The following KIRREL3 variants were observed in gnomAD, a reference collection of about 807,000 sequenced individuals.
KIRREL3 encodes kirre like nephrin family adhesion molecule 3.
In KIRREL3, 36 loss-of-function variants were observed where a neutral mutation model predicts 89.7. The observed-to-expected ratio is 0.40, with a 90% CI of 0.31 to 0.53. The LOEUF is 0.53. KIRREL3 is among the 20% of genes least tolerant of loss of function. KIRREL3 has a pLI of 0.49. For synonymous variants in KIRREL3, 445 were observed against 441.4 expected, an observed-to-expected ratio of 1.01 and a Z score of -0.10; for missense variants, 864 against 1,056.6, an observed-to-expected ratio of 0.82 and a Z score of 2.53.
intron 1 of KIRREL3, among the ~76,000 whole-genome samples, chr11:126,889,140 C>T (rs549984971): frequency 2.0e-5 from 3 of 152,290 alleles, no homozygotes; most frequent in Admixed American, 6.5e-5. Flanking sequence ...ACCATCACCA[C>T]GATCAGGACT....
intron 4 of KIRREL3, among the ~76,000 whole-genome samples, chr11:126,480,657 G>A (rs12803938): frequency 0.16 from 24,811 of 152,196 alleles, 2,141 homozygotes; most frequent in Non-Finnish European, 0.19. Context: ...TCTGCGAAGC[G>A]GGCTCTCTGC....
chr11:126,864,088 G>C (rs1455841697), intron 1 of KIRREL3, among the ~76,000 whole-genome samples: 1 of 152,272 alleles, frequency 6.6e-6, no homozygotes, highest in African/African-American at 2.4e-5. Flanking sequence ...TGGCTGAAGA[G>C]AGGGTCTGAC....
chr11:126,440,513 G>C lies in KIRREL3; in HGVS notation c.1289C>G (p.Ala430Gly). 1.2e-6 allele frequency: 2 copies of C among 1,602,336 alleles called. No homozygotes were observed. Among genetic ancestry groups the C allele is most frequent in the Non-Finnish European group, 1.7e-6 (2 of 1,175,002 alleles). ...GATCTGGCCCTTCTCGCCGTGGAGGGCGTGCTGGGTCTGGGTGCTGGAGAT... is the reference window on the plus strand; with the variant it reads ...GATCTGGCCCTTCTCGCCGTGGAGGCCGTGCTGGGTCTGGGTGCTGGAGAT... ...PIISSTQTQHALHGEKGQIKC... is the reference protein window; with the variant it reads ...PIISSTQTQHGLHGEKGQIKC... Residue 430 changes from alanine to glycine, a missense_variant, in exon 11 of 17, where the codon GCC (alanine) becomes GGC (glycine). Ala to Gly is a moderately conservative substitution (Grantham distance 60, BLOSUM62 0). Transcript: ENST00000525144.
chr11:126,728,644 C>A (rs567358575), intron 1 of KIRREL3, among the ~76,000 whole-genome samples: 1 of 152,270 alleles, frequency 6.6e-6, no homozygotes, highest in South Asian at 2.1e-4. Flanking sequence ...GAACCTGGAC[C>A]ACCTTGACTC....
At chr11:126,457,811 G>A (rs1755995723) in intron 6 of KIRREL3, among the ~76,000 whole-genome samples, 1 of 152,126 alleles carries the variant, frequency 6.6e-6, no homozygotes, top group South Asian at 2.1e-4. Flanking sequence ...GAAAGACCAA[G>A]TCAAACAACG....
chr11:126,511,402 A>T (rs1158475314), intron 4 of KIRREL3, among the ~76,000 whole-genome samples: 1 of 151,996 alleles, frequency 6.6e-6, no homozygotes, highest in African/African-American at 2.4e-5. Context: ...GGGTCCCCAA[A>T]CACCTCTCTC....
chr11:126,869,923 G>T (rs2134662726), intron 1 of KIRREL3, among the ~76,000 whole-genome samples: 1 of 152,282 alleles, frequency 6.6e-6, no homozygotes, highest in Non-Finnish European at 1.5e-5. Context: ...AGGCCACAGT[G>T]GTTCACTAGA....
rs930934902 is a variant in KIRREL3 at position 126,635,950 on chromosome 11, G to T, written c.56-73038C>A. Among the ~76,000 whole-genome samples the T allele has an allele frequency of 6.6e-6, 1 of 152,152 alleles. No individual in the cohort carries two copies. Among genetic ancestry groups the T allele is most frequent in the Non-Finnish European group, 1.5e-5 (1 of 68,028 alleles). The stretch of plus-strand genomic sequence containing the variant: ...TATTTTTGGGTCATGGGCAGGGCCA[G>T]CAGGCCTACAGGTAGCGGGAGGGAT... On this transcript the variant is annotated intron_variant, in intron 1 of 16. Coordinates refer to ENST00000525144, the MANE Select transcript of KIRREL3 (RefSeq NM_032531.4). This position sits in a 1 kb window ranked among gnomAD's most constrained non-coding sequence, Gnocchi z 4.0.
rs373331597 is a variant in KIRREL3 at position 126,747,318 on chromosome 11, TAG to T, written c.56-184408_56-184407del. 3.3e-4 allele frequency among the ~76,000 whole-genome samples: 51 copies of T among 152,338 alleles called. 1 individual carries two copies. The East Asian group carries it at 7.5e-3, about 22-fold the overall frequency. ...TGAGGATTAAATAAAATACTGGGGATAGAGCTCTTTGCTCATTATCTAGCGTA... is the reference window on the plus strand; with the variant it reads ...TGAGGATTAAATAAAATACTGGGGATAGCTCTTTGCTCATTATCTAGCGTA... On this transcript the variant is annotated intron_variant, in intron 1 of 16. Coordinates refer to ENST00000525144, the MANE Select transcript of KIRREL3 (RefSeq NM_032531.4). This position sits in a 1 kb window ranked among gnomAD's most constrained non-coding sequence, Gnocchi z 4.7.
At position 126,620,396 on chromosome 11, in the gene KIRREL3, C is replaced by T. The variant is rs1274708647; in HGVS notation, c.56-57484G>A. ...TTCACCAGCCCAGGATTCTGAGGGG[C>T]TGTGAATTCCAAGGACATCCATTAA... On this transcript the variant is annotated intron_variant, in intron 1 of 16. Coordinates refer to ENST00000525144, the MANE Select transcript of KIRREL3 (RefSeq NM_032531.4). This position sits in a 1 kb window ranked among gnomAD's most constrained non-coding sequence, Gnocchi z 4.8. 6.6e-6 allele frequency among the ~76,000 whole-genome samples: 1 copy of T among 152,162 alleles called. No homozygotes were observed. The highest frequency in any genetic ancestry group is 1.5e-5 in the Non-Finnish European group (1 of 68,030).
At chr11:126,478,624 T>C (rs883682) in intron 4 of KIRREL3, among the ~76,000 whole-genome samples, 5,421 of 148,566 alleles carry the variant, frequency 0.036, 115 homozygotes, top group Non-Finnish European at 0.053. Context: ...TGTGTGTATG[T>C]GTGTATGCGT....
chr11:126,794,853 C>T (rs1311593092), intron 1 of KIRREL3, among the ~76,000 whole-genome samples: 2 of 152,180 alleles, frequency 1.3e-5, no homozygotes, highest in African/African-American at 2.4e-5. Flanking sequence ...CCTAGATGTC[C>T]CTCACTGGGT....
At chr11:126,842,848 C>T (rs1291802310) in intron 1 of KIRREL3, among the ~76,000 whole-genome samples, 2 of 152,216 alleles carry the variant, frequency 1.3e-5, no homozygotes, top group Admixed American at 1.3e-4. Flanking sequence ...ACTGGGCCGA[C>T]CATGAGTTTG....
At position 126,521,694 on chromosome 11, in the gene KIRREL3, G is replaced by C. The variant is rs368586948; in HGVS notation, c.284-230C>G. Among the ~76,000 whole-genome samples, 8 of 18,336 alleles carry C rather than the reference G, an allele frequency of 4.4e-4. No homozygotes were observed. Among genetic ancestry groups the C allele is most frequent in the Admixed American group, 1.6e-3 (2 of 1,266 alleles). 12.0% of individuals were successfully genotyped at this position (18,336 alleles called of 152,430 possible). On this transcript the variant is annotated intron_variant, in intron 3 of 16. Transcript: ENST00000525144. This position sits in a 1 kb window ranked among gnomAD's most constrained non-coding sequence, Gnocchi z 4.1. ...TCTCTGTATGTGTGTGTGTGTGTGT[G>C]TGTGTGTGTGTGTGTGTGTGTGTGT... is the stretch of plus-strand genomic sequence containing the variant.
At chr11:126,980,554 G>T (rs1285987557) in intron 1 of KIRREL3, among the ~76,000 whole-genome samples, 1 of 152,168 alleles carries the variant, frequency 6.6e-6, no homozygotes, top group African/African-American at 2.4e-5. Flanking sequence ...CGAGGAACTT[G>T]ATAGGGTGCT....
Position 126,879,812 on chromosome 11 carries a change from C to T in KIRREL3, c.55+120643G>A, listed in dbSNP as rs1945426623. Among the ~76,000 whole-genome samples the T allele has an allele frequency of 6.6e-6, 1 of 152,162 alleles. No individual in the cohort carries two copies. The highest frequency in any genetic ancestry group is 2.1e-4 in the South Asian group (1 of 4,826). On this transcript the variant is annotated intron_variant, in intron 1 of 16. Coordinates refer to ENST00000525144, the MANE Select transcript of KIRREL3 (RefSeq NM_032531.4). The surrounding 1 kb of genome is among the most constrained non-coding windows in gnomAD (Gnocchi z 5.4). The stretch of plus-strand genomic sequence containing the variant: ...TCAAGGAGCTCAACTGGTCTTATGA[C>T]CCTGAACCTTCTGTCTCCAGAGACA...
chr11:126,922,117 G>GTCTATCTATCTA (rs1481125852), intron 1 of KIRREL3, among the ~76,000 whole-genome samples: 1 of 122,560 alleles, frequency 8.2e-6, no homozygotes, highest in African/African-American at 3.0e-5. Context: ...CTATCTATCT[G>GTCTATCTATCTA]TCTGTCTATC....
chr11:126,530,294 A>G lies in KIRREL3; in HGVS notation c.134-3607T>C, dbSNP rs1958902219. Among the ~76,000 whole-genome samples, 1 of 152,152 alleles carries G rather than the reference A, an allele frequency of 6.6e-6. No homozygotes were observed. The highest frequency in any genetic ancestry group is 1.5e-5 in the Non-Finnish European group (1 of 68,022). On this transcript the variant is annotated intron_variant, in intron 2 of 16. Transcript: ENST00000525144. The surrounding 1 kb of genome is among the most constrained non-coding windows in gnomAD (Gnocchi z 5.8). ...GAGACAGGGTTTCACCATGTTGGCC[A>G]GGCTGGTCTTGAACTCTTGACCTCA...
At position 126,564,098 on chromosome 11, in the gene KIRREL3, GC is replaced by G. The variant is rs1406736823; in HGVS notation, c.56-1187del. Among the ~76,000 whole-genome samples, 2 of 152,224 alleles carry G rather than the reference GC, an allele frequency of 1.3e-5. No individual in the cohort carries two copies. Among genetic ancestry groups the G allele is most frequent in the African/African-American group, 4.8e-5 (2 of 41,448 alleles). On this transcript the variant is annotated intron_variant, in intron 1 of 16. Coordinates refer to ENST00000525144, the MANE Select transcript of KIRREL3 (RefSeq NM_032531.4). This position sits in a 1 kb window ranked among gnomAD's most constrained non-coding sequence, Gnocchi z 7.4. ...GGGAATATGACTGCAGCTCTTCCTG[GC>G]CCTTGCCAGGGTTTCTGGGCTCCTC...
Sources: gnomAD v4.1 joint callset for allele counts (sites outside exome capture counted in the v4.1 genomes callset) on GRCh38, gnomAD v4.1.1 for gene constraint, Gnocchi (gnomAD v3.1) non-coding constraint, MANE v1.5 for transcripts, NCBI Gene and HGNC (gene_info 2026-07-23, HGNC 2026-07-21) for gene names.